PIAS4: variants seen among roughly 807,000 people sequenced by gnomAD.
PIAS4 encodes the protein protein inhibitor of activated STAT 4, also known as E3 SUMO-protein ligase PIAS4.
In PIAS4, 7 loss-of-function variants were observed where a neutral mutation model predicts 58.0. That is an observed-to-expected ratio of 0.12 (90% CI 0.07 to 0.23). The LOEUF (loss-of-function observed/expected upper bound fraction) is 0.23. PIAS4 is among the 10% of genes least tolerant of loss of function. PIAS4 has a pLI of 1.00. For missense variants in PIAS4, 550 were observed against 709.5 expected, an observed-to-expected ratio of 0.78 and a Z score of 2.55; for synonymous variants, 364 against 312.4, an observed-to-expected ratio of 1.17 and a Z score of -1.74.
At chr19:4,015,447 C>A (rs1488501594) in intron 2 of PIAS4, among the ~76,000 whole-genome samples, 1 of 152,148 alleles carries the variant, frequency 6.6e-6, no homozygotes, top group Non-Finnish European at 1.5e-5. Flanking sequence ...CGGCTCAGAA[C>A]AAAGAGGCCA....
Position 4,036,413 on chromosome 19 carries a change from A to G in PIAS4, c.1143-961A>G, listed in dbSNP as rs547112395. Reference sequence around the variant, plus strand: ...ACGTCTATACAGTCCACACTGTCACACATCCGTACAGTCCACACTGTCATA... The same window carrying G: ...ACGTCTATACAGTCCACACTGTCACGCATCCGTACAGTCCACACTGTCATA... On this transcript the variant is annotated intron_variant, in intron 9 of 10. Transcript: ENST00000262971. Among the ~76,000 whole-genome samples the G allele has an allele frequency of 1.3e-4, 19 of 140,762 alleles. No homozygotes were observed. The South Asian group carries it at 4.5e-3, about 33-fold the overall frequency. 92.3% of individuals were successfully genotyped at this position (140,762 alleles called of 152,430 possible).
In PIAS4 at chr19:4,038,617, T is replaced by G. The variant is rs1354980641; in HGVS notation, c.*742T>G. On this transcript the variant is annotated 3_prime_UTR_variant, in exon 11 of 11. Transcript: ENST00000262971. This position sits in a 1 kb window ranked among gnomAD's most constrained non-coding sequence, Gnocchi z 4.1. ...CGGGGGCCCAGGGTGCGGCACCGTG[T>G]GGCGTGGGGGGGTCTCAGTTTTCTA... is the stretch of plus-strand genomic sequence containing the variant. 1 of 152,552 alleles carries G rather than the reference T, an allele frequency of 6.6e-6. No homozygotes were observed. Among genetic ancestry groups the G allele is most frequent in the African/African-American group, 2.4e-5 (1 of 41,388 alleles). The allele number at this position is 152,552 out of a possible 1,614,324, so 9.4% of individuals were successfully genotyped here.
chr19:4,032,769 A>G (rs754561549), intron 7 of PIAS4, among the ~76,000 whole-genome samples: 20 of 152,176 alleles, frequency 1.3e-4, no homozygotes, highest in Non-Finnish European at 2.5e-4. Context: ...AGTCACAGCA[A>G]TGACTCTTTC....
At chr19:4,008,009 G>C (rs2039959621) in intron 1 of PIAS4, among the ~76,000 whole-genome samples, 1 of 151,564 alleles carries the variant, frequency 6.6e-6, no homozygotes, top group African/African-American at 2.4e-5. Flanking sequence ...TCGCGCCGGG[G>C]GTCGCTCCCC....
rs1198046688 is a variant in PIAS4, at chr19:4,023,661, G to A, written c.455-375G>A. 2.0e-5 allele frequency among the ~76,000 whole-genome samples: 3 copies of A among 152,138 alleles called. No individual in the cohort carries two copies. In the East Asian group the frequency reaches 5.8e-4, roughly 29 times the overall value. ...CAGGAGGAGAGCAAGGGCCGGGTCC[G>A]GTTTGTGCTCAGGAGAGAGGAGGTA... is the stretch of plus-strand genomic sequence containing the variant. On this transcript the variant is annotated intron_variant, in intron 2 of 10. Coordinates refer to ENST00000262971, the MANE Select transcript of PIAS4 (RefSeq NM_015897.4).
At position 4,037,262 on chromosome 19, in the gene PIAS4, C is replaced by G. The variant is rs866341950; in HGVS notation, c.1143-112C>G. ...CTGCGGTCGGGGTGGTGAGGCTGCT[C>G]TTGCAGAGAGAAGTGGGGAGTGCCT... On this transcript the variant is annotated intron_variant, in intron 9 of 10. Transcript: ENST00000262971. This position sits in a 1 kb window ranked among gnomAD's most constrained non-coding sequence, Gnocchi z 5.8. 2 of 1,368,708 alleles carry G rather than the reference C, an allele frequency of 1.5e-6. No homozygotes were observed. The highest frequency in any genetic ancestry group is 9.8e-7 in the Non-Finnish European group (1 of 1,024,150). 84.8% of individuals were successfully genotyped at this position (1,368,708 alleles called of 1,614,324 possible). A position where few individuals can be genotyped will look rare whatever the true frequency, so the allele number is the denominator to read the frequency against.
rs1245504188 is a variant in PIAS4 at position 4,037,144 on chromosome 19, C to G, written c.1143-230C>G. Among the ~76,000 whole-genome samples the G allele has an allele frequency of 3.3e-5, 5 of 152,234 alleles. No individual in the cohort carries two copies. Among genetic ancestry groups the G allele is most frequent in the Admixed American group, 1.3e-4 (2 of 15,292 alleles). ...CTGGGTATGTGTGTCCATGCCCCGT[C>G]CCCCCGGCAGTGCCGTGCACTGCAG... On this transcript the variant is annotated intron_variant, in intron 9 of 10. Coordinates refer to ENST00000262971, the MANE Select transcript of PIAS4 (RefSeq NM_015897.4). This position sits in a 1 kb window ranked among gnomAD's most constrained non-coding sequence, Gnocchi z 5.8.
rs557143220 is a variant in PIAS4, at chr19:4,015,714, C to T, written c.454+2365C>T. 6.6e-5 allele frequency among the ~76,000 whole-genome samples: 10 copies of T among 152,290 alleles called. 1 individual carries two copies. The Middle Eastern group carries it at 0.017, about 259-fold the overall frequency. On this transcript the variant is annotated intron_variant, in intron 2 of 10. Transcript: ENST00000262971. The stretch of plus-strand genomic sequence containing the variant: ...TGTGGTGCTGGCCTTGCCCGGGGGC[C>T]GCCTCCGGAGGACCCAGTTCCACCG...
intron 2 of PIAS4, among the ~76,000 whole-genome samples, chr19:4,020,212 G>A (rs920400615): frequency 1.3e-5 from 2 of 152,108 alleles, no homozygotes; most frequent in African/African-American, 2.4e-5. Flanking sequence ...CACTGCACCC[G>A]GCTTCTCGTG....
chr19:4,028,899 T>G, intron 6 of PIAS4, 32 bp from the exon 7 acceptor site: 2 of 1,373,052 alleles, frequency 1.5e-6, no homozygotes, highest in Non-Finnish European at 2.0e-6. Flanking sequence ...GGCCCCGTCC[T>G]GCCAGCCCTG....
chr19:4,024,274 T>A (rs1423557683), intron 3 of PIAS4, among the ~76,000 whole-genome samples, 154 bp downstream of exon 3: 1 of 152,172 alleles, frequency 6.6e-6, no homozygotes, highest in African/African-American at 2.4e-5. Flanking sequence ...TTTGCTTCCT[T>A]CCAGAAAACC....
intron 2 of PIAS4, among the ~76,000 whole-genome samples, chr19:4,017,278 CCTT>C (rs2040061524): frequency 6.6e-6 from 1 of 152,180 alleles, no homozygotes; most frequent in African/African-American, 2.4e-5. Flanking sequence ...TCCCGCTAGT[CCTT>C]CTCCCATCCC....
Position 4,020,418 on chromosome 19 carries a change from T to A in PIAS4, c.455-3618T>A, listed in dbSNP as rs1016104182. On this transcript the variant is annotated intron_variant, in intron 2 of 10. Coordinates refer to ENST00000262971, the MANE Select transcript of PIAS4 (RefSeq NM_015897.4). ...TTTACCAGGGGCAGTTCGCCATCCC[T>A]GTTCTAAAGGGCTTGCCTGTCATCT... is the stretch of plus-strand genomic sequence containing the variant. Among the ~76,000 whole-genome samples the A allele has an allele frequency of 2.6e-5, 4 of 152,134 alleles. No individual in the cohort carries two copies. In the East Asian group the frequency reaches 7.7e-4, roughly 29 times the overall value.
At position 4,013,741 on chromosome 19, in the gene PIAS4, G is replaced by A. The variant is rs1453787259; in HGVS notation, c.454+392G>A. On this transcript the variant is annotated intron_variant, in intron 2 of 10. Coordinates refer to ENST00000262971, the MANE Select transcript of PIAS4 (RefSeq NM_015897.4). The surrounding 1 kb of genome is among the most constrained non-coding windows in gnomAD (Gnocchi z 5.1). ...GGTGGCTGGCAGGCCTCAGCTCCTCGCCAGCTCTTGGCCACAGTCCCCAGG... is the reference window on the plus strand; with the variant it reads ...GGTGGCTGGCAGGCCTCAGCTCCTCACCAGCTCTTGGCCACAGTCCCCAGG... Among the ~76,000 whole-genome samples the A allele has an allele frequency of 6.6e-6, 1 of 152,166 alleles. No homozygotes were observed. The highest frequency in any genetic ancestry group is 1.5e-5 in the Non-Finnish European group (1 of 68,020).
chr19:4,011,657 T>G (rs925861410), intron 1 of PIAS4, among the ~76,000 whole-genome samples: 219 of 110,688 alleles, frequency 2.0e-3, no homozygotes, highest in Middle Eastern at 7.5e-3. Flanking sequence ...GGAGGTGTGT[T>G]TGGTGTGGAG....
At chr19:4,028,384 A>AC in intron 4 of PIAS4, 126 bp from the exon 5 acceptor site, 2 of 804,490 alleles carry the variant, frequency 2.5e-6, no homozygotes, top group Non-Finnish European at 2.0e-6. Flanking sequence ...GGGCCCTGAT[A>AC]CCCCCCGTGT....
chr19:4,029,987 T>C (rs1433281106), intron 7 of PIAS4, among the ~76,000 whole-genome samples: 1 of 151,686 alleles, frequency 6.6e-6, no homozygotes, highest in Non-Finnish European at 1.5e-5. Context: ...CATGCCCGGC[T>C]AATTTTTTGT....
chr19:4,024,891 A>G (rs2040147141), intron 3 of PIAS4, among the ~76,000 whole-genome samples: 1 of 151,936 alleles, frequency 6.6e-6, no homozygotes, highest in African/African-American at 2.4e-5. Context: ...TCAGCCTCCC[A>G]AGTAGCTGGG....
At position 4,028,712 on chromosome 19, in the gene PIAS4, G is replaced by C. The variant is rs2040193287; in HGVS notation, c.673-8G>C. On this transcript the variant is annotated splice_region_variant and splice_polypyrimidine_tract_variant and intron_variant, in intron 5 of 10. Coordinates refer to ENST00000262971, the MANE Select transcript of PIAS4 (RefSeq NM_015897.4). ...TGGCTCGAGGCTGAGCGGCCCATCT[G>C]CTTGCAGGGCTACTACCCCTCCAAT... 2 of 1,606,542 alleles carry C rather than the reference G, an allele frequency of 1.2e-6. No homozygotes were observed. Among genetic ancestry groups the C allele is most frequent in the East Asian group, 4.5e-5 (2 of 44,730 alleles).
Sources: gnomAD v4.1 joint callset for allele counts (sites outside exome capture counted in the v4.1 genomes callset) on GRCh38, gnomAD v4.1.1 for gene constraint, Gnocchi (gnomAD v3.1) non-coding constraint, MANE v1.5 for transcripts, NCBI Gene and HGNC (gene_info 2026-07-23, HGNC 2026-07-21) for gene names.